SRP9: variants seen among roughly 807,000 people sequenced by gnomAD.
SRP9 encodes the protein signal recognition particle 9, also known as signal recognition particle 9 kDa protein.
In SRP9, 2 loss-of-function variants were observed where a neutral mutation model predicts 11.7. That is an observed-to-expected ratio of 0.17 (90% CI 0.07 to 0.54). The LOEUF is 0.54. SRP9 is among the 20% of genes least tolerant of loss of function. SRP9 has a pLI of 0.94. For missense variants in SRP9, 54 were observed against 108.1 expected, an observed-to-expected ratio of 0.50 and a Z score of 2.22; for synonymous variants, 27 against 35.6, an observed-to-expected ratio of 0.76 and a Z score of 0.86.
chr1:225,787,592 T>G (rs1047440985), intron 2 of SRP9, among the ~76,000 whole-genome samples: 2 of 152,184 alleles, frequency 1.3e-5, no homozygotes, highest in Admixed American at 1.3e-4. Context: ...AGGCCTTATC[T>G]CCAATTGATG....
At chr1:225,778,437 C>G (rs953662125) in intron 1 of SRP9, among the ~76,000 whole-genome samples, 1 of 152,228 alleles carries the variant, frequency 6.6e-6, no homozygotes, top group Non-Finnish European at 1.5e-5. Context: ...CTCAGACATT[C>G]TTGAAAGATT....
At chr1:225,778,053 G>A (rs1221256013) in intron 1 of SRP9, 41 bp downstream of exon 1, 10 of 1,609,796 alleles carry the variant, frequency 6.2e-6, no homozygotes, top group Non-Finnish European at 7.6e-6. Flanking sequence ...CCCCAGCCCA[G>A]GATGTCTTCC....
At chr1:225,785,413 C>T (rs1052734315) in intron 2 of SRP9, among the ~76,000 whole-genome samples, 2 of 150,934 alleles carry the variant, frequency 1.3e-5, no homozygotes, top group African/African-American at 2.4e-5. Context: ...GATGGAGTCT[C>T]GCTCTGTCGC....
chr1:225,778,420 A>C (rs1260273661), intron 1 of SRP9, among the ~76,000 whole-genome samples: 1 of 152,142 alleles, frequency 6.6e-6, no homozygotes, highest in Non-Finnish European at 1.5e-5. Flanking sequence ...TGTTTTTTCT[A>C]CTACCGCTCA....
At position 225,789,446 on chromosome 1, in the gene SRP9, G is replaced by T; in HGVS notation, c.*87G>T. On this transcript the variant is annotated 3_prime_UTR_variant, in exon 3 of 3. Coordinates refer to ENST00000304786, the MANE Select transcript of SRP9 (RefSeq NM_003133.6). ...AGTGTTGGGACAGAAAGTACTTTAT[G>T]TAACTAAGTGGGCTGTTCAGAAGCT... 2 of 1,447,402 alleles carry T rather than the reference G, an allele frequency of 1.4e-6. No individual in the cohort carries two copies. Among genetic ancestry groups the T allele is most frequent in the Non-Finnish European group, 1.9e-6 (2 of 1,073,092 alleles). 89.7% of individuals were successfully genotyped at this position (1,447,402 alleles called of 1,614,324 possible).
intron 2 of SRP9, among the ~76,000 whole-genome samples, chr1:225,788,117 C>A (rs1463818342): frequency 6.6e-6 from 1 of 152,098 alleles, no homozygotes; most frequent in Admixed American, 6.5e-5. Context: ...TATGACCAAC[C>A]ATAAGCAGAT....
At chr1:225,786,571 T>C (rs539266662) in intron 2 of SRP9, among the ~76,000 whole-genome samples, 1 of 152,334 alleles carries the variant, frequency 6.6e-6, no homozygotes, top group African/African-American at 2.4e-5. Flanking sequence ...CAATTGAATG[T>C]AGTGAGTAGC....
chr1:225,778,028 G>A lies in SRP9; in HGVS notation c.72+16G>A, dbSNP rs1478590362. 1.2e-6 allele frequency: 2 copies of A among 1,614,050 alleles called. No homozygotes were observed. Among genetic ancestry groups the A allele is most frequent in the Admixed American group, 1.7e-5 (1 of 60,018 alleles). ...CCCTATGAAGGTAAATCGCTGGCGG[G>A]GCCGCTGCTTTGGGCCCCAGCCCAG... On this transcript the variant is annotated intron_variant, in intron 1 of 2. Coordinates refer to ENST00000304786, the MANE Select transcript of SRP9 (RefSeq NM_003133.6).
intron 2 of SRP9, among the ~76,000 whole-genome samples, chr1:225,783,792 A>C (rs1047006430): frequency 6.6e-6 from 1 of 152,230 alleles, no homozygotes; most frequent in Non-Finnish European, 1.5e-5. Context: ...ATGGTACTCC[A>C]GCGAAACTGC....
At chr1:225,788,439 C>T (rs967350875) in intron 2 of SRP9, among the ~76,000 whole-genome samples, 1 of 137,018 alleles carries the variant, frequency 7.3e-6, no homozygotes, top group Admixed American at 7.6e-5. Flanking sequence ...TTTTTTGAGA[C>T]GGAATCTCAC....
intron 2 of SRP9, among the ~76,000 whole-genome samples, chr1:225,788,414 ATTTT>A (rs35284825): frequency 4.7e-5 from 6 of 128,008 alleles, no homozygotes; most frequent in Admixed American, 8.0e-5. Context: ...GCAAATCAAG[ATTTT>A]TTTTTTTTTT....
chr1:225,777,993 A>G lies in SRP9; in HGVS notation c.53A>G (p.Tyr18Cys). The G allele has an allele frequency of 6.2e-7, 1 of 1,614,120 alleles. No individual in the cohort carries two copies. The highest frequency in any genetic ancestry group is 8.5e-7 in the Non-Finnish European group (1 of 1,180,004). ...TTCAGCCGCGCTGCCGAGAAGCTTT[A>G]CCTCGCTGACCCTATGAAGGTAAAT... ...EEFSRAAEKL[Y>C]LADPMKARVV... is the part of the protein sequence containing the mutation. The change falls in exon 1 of 3, where the codon TAC becomes TGC. Residue 18 changes from tyrosine to cysteine, a missense_variant. By Grantham distance (194) the Tyr-to-Cys change is radical. Coordinates refer to ENST00000304786, the MANE Select transcript of SRP9 (RefSeq NM_003133.6).
At chr1:225,784,549 TATC>T (rs1349464812) in intron 2 of SRP9, among the ~76,000 whole-genome samples, 3 of 151,436 alleles carry the variant, frequency 2.0e-5, no homozygotes, top group Non-Finnish European at 2.9e-5. Context: ...CCACCCGGCC[TATC>T]ATCTGTTCTT....
At chr1:225,784,479 G>A (rs563641896) in intron 2 of SRP9, among the ~76,000 whole-genome samples, 3 of 150,638 alleles carry the variant, frequency 2.0e-5, no homozygotes, top group African/African-American at 7.3e-5. Context: ...TGGATCTCCT[G>A]ACCTCGTGAT....
At chr1:225,786,037 C>G (rs2102650845) in intron 2 of SRP9, among the ~76,000 whole-genome samples, 1 of 152,294 alleles carries the variant, frequency 6.6e-6, no homozygotes, top group Middle Eastern at 3.4e-3. Context: ...TGCTTAGAAA[C>G]CTTTAAACTC....
intron 1 of SRP9, among the ~76,000 whole-genome samples, chr1:225,780,794 CTT>C (rs1396015675): frequency 1.3e-5 from 2 of 152,268 alleles, no homozygotes; most frequent in African/African-American, 4.8e-5. Context: ...TACCCAGTAT[CTT>C]TTTACCACTC....
intron 1 of SRP9, among the ~76,000 whole-genome samples, chr1:225,779,201 A>G (rs962480354): frequency 4.6e-5 from 7 of 151,126 alleles, no homozygotes; most frequent in Non-Finnish European, 1.0e-4. Flanking sequence ...CTGGAGTGCA[A>G]TGGCTCAATC....
At chr1:225,787,045 T>C in intron 2 of SRP9, 1 of 316,060 alleles carries the variant, frequency 3.2e-6, no homozygotes, top group South Asian at 2.5e-5. Context: ...GGTCTCATTA[T>C]ATTGCCCAGG....
intron 1 of SRP9, among the ~76,000 whole-genome samples, chr1:225,780,859 C>A (rs1484394846): frequency 6.6e-6 from 1 of 152,176 alleles, no homozygotes; most frequent in Admixed American, 6.5e-5. Flanking sequence ...TATGTAATAA[C>A]CTCTTTGTTG....
Sources: gnomAD v4.1 joint callset for allele counts (sites outside exome capture counted in the v4.1 genomes callset) on GRCh38, gnomAD v4.1.1 for gene constraint, MANE v1.5 for transcripts, NCBI Gene and HGNC (gene_info 2026-07-23, HGNC 2026-07-21) for gene names.